Variants in PSME4 observed in about 807,000 individuals in gnomAD.
PSME4 encodes the protein proteasome activator complex subunit 4.
A neutral mutation model predicts 253.9 loss-of-function variants in PSME4; 89 were observed. That is an observed-to-expected ratio of 0.35 (90% CI 0.30 to 0.42). The LOEUF (loss-of-function observed/expected upper bound fraction) is 0.42. Among genes scored for constraint, PSME4 ranks in the 10% least tolerant of loss-of-function variants. The pLI, the probability that PSME4 is intolerant of heterozygous loss-of-function variation, is 1.00. For missense variants in PSME4, 2,014 were observed against 2,195.2 expected, an observed-to-expected ratio of 0.92 and a Z score of 1.65; for synonymous variants, 851 against 759.2, an observed-to-expected ratio of 1.12 and a Z score of -1.99.
intron 43 of PSME4, among the ~76,000 whole-genome samples, chr2:53,872,543 C>T (rs990066590): frequency 5.3e-5 from 8 of 151,644 alleles, no homozygotes; most frequent in African/African-American, 1.9e-4. Context: ...GAGTTTGAGA[C>T]CAGCCTGGGC....
chr2:53,931,245 G>A (rs1222033662), intron 10 of PSME4, among the ~76,000 whole-genome samples: 1 of 152,110 alleles, frequency 6.6e-6, no homozygotes, highest in Non-Finnish European at 1.5e-5. Flanking sequence ...ACTCCAGCCT[G>A]GGGGACTACA....
intron 27 of PSME4, among the ~76,000 whole-genome samples, chr2:53,903,202 C>T (rs987309341): frequency 1.3e-5 from 2 of 152,180 alleles, no homozygotes; most frequent in South Asian, 2.1e-4. Context: ...AGATGTCTAA[C>T]TGCCCACTTG....
chr2:53,926,053 C>T (rs368715136), intron 12 of PSME4, 30 bp from the exon 13 acceptor site: 3 of 1,566,096 alleles, frequency 1.9e-6, no homozygotes, highest in African/African-American at 2.7e-5. Flanking sequence ...AGAAAGATTA[C>T]ATATAGCCTT....
intron 7 of PSME4, 26 bp downstream of exon 7, chr2:53,936,061 A>T (rs771060302): frequency 6.2e-7 from 1 of 1,605,700 alleles, no homozygotes; most frequent in East Asian, 2.3e-5. Context: ...ATGCCTGATA[A>T]TTTTTTTCCC....
At chr2:53,952,311 G>A (rs377415836) in intron 1 of PSME4, among the ~76,000 whole-genome samples, 1 of 152,156 alleles carries the variant, frequency 6.6e-6, no homozygotes, top group African/African-American at 2.4e-5. Flanking sequence ...GGGAGGCCGA[G>A]GCAGACGGAT....
chr2:53,878,920 G>A (rs1679255656), intron 41 of PSME4, among the ~76,000 whole-genome samples: 1 of 152,134 alleles, frequency 6.6e-6, no homozygotes, highest in South Asian at 2.1e-4. Context: ...CGCGATCTCT[G>A]TGACCCACAC....
At chr2:53,925,208 G>A (rs1165351966) in intron 14 of PSME4, among the ~76,000 whole-genome samples, 1 of 152,182 alleles carries the variant, frequency 6.6e-6, no homozygotes, top group African/African-American at 2.4e-5. Context: ...TCGCAAAGGG[G>A]ACAGTTGTTT....
At chr2:53,939,906 A>G in intron 4 of PSME4, 50 bp downstream of exon 4, 2 of 1,469,274 alleles carry the variant, frequency 1.4e-6, no homozygotes, top group Non-Finnish European at 1.9e-6. Context: ...AAAGATGTGG[A>G]AAAGCCCACA....
chr2:53,951,861 T>G (rs767886747), intron 1 of PSME4, among the ~76,000 whole-genome samples: 2 of 152,178 alleles, frequency 1.3e-5, no homozygotes, highest in Non-Finnish European at 2.9e-5. Context: ...GAAAGTTTCT[T>G]AAACACCCTA....
intron 41 of PSME4, among the ~76,000 whole-genome samples, chr2:53,880,431 A>T (rs924821855): frequency 1.3e-5 from 2 of 150,866 alleles, no homozygotes; most frequent in Non-Finnish European, 3.0e-5. Flanking sequence ...ATCATCTCTT[A>T]AAAAAAAATG....
chr2:53,906,753 C>T (rs569509652), intron 25 of PSME4, 53 bp downstream of exon 25: 1 of 1,600,296 alleles, frequency 6.2e-7, no homozygotes, highest in Admixed American at 1.8e-5. Flanking sequence ...ACTAAATACT[C>T]ATCTGGAAAA....
chr2:53,925,457 C>T (rs905654197), intron 14 of PSME4, 82 bp downstream of exon 14: 3 of 1,259,384 alleles, frequency 2.4e-6, no homozygotes, highest in Non-Finnish European at 2.1e-6. Context: ...GCATGATATA[C>T]ACAAAGTAAC....
At chr2:53,906,941 C>A (rs1164815696) in intron 24 of PSME4, 73 bp from the exon 25 acceptor site, 4 of 1,395,066 alleles carry the variant, frequency 2.9e-6, no homozygotes, top group African/African-American at 1.4e-5. Context: ...CCTCTAAATA[C>A]CTTAATAAGT....
chr2:53,909,013 C>G (rs1558673011), intron 21 of PSME4, among the ~76,000 whole-genome samples, 173 bp from the exon 22 acceptor site: 1 of 151,828 alleles, frequency 6.6e-6, no homozygotes. Context: ...TCTAAAACCT[C>G]TACACTTAAA....
At chr2:53,940,312 C>T (rs539655099) in intron 3 of PSME4, among the ~76,000 whole-genome samples, 4 of 152,248 alleles carry the variant, frequency 2.6e-5, no homozygotes, top group Admixed American at 6.5e-5. Context: ...CCATATTTAT[C>T]AACACAGTGG....
At chr2:53,895,995 TA>T (rs1055308287) in intron 32 of PSME4, among the ~76,000 whole-genome samples, 7 of 152,292 alleles carry the variant, frequency 4.6e-5, no homozygotes, top group African/African-American at 1.4e-4. Flanking sequence ...TTACCAAAAT[TA>T]AAAGGATTAA....
At chr2:53,937,660 C>T in intron 4 of PSME4, 120 bp from the exon 5 acceptor site, 4 of 924,636 alleles carry the variant, frequency 4.3e-6, no homozygotes, top group Non-Finnish European at 6.7e-6. Flanking sequence ...GCATGTAACA[C>T]AGTCTACAAA....
chr2:53,894,495 C>T (rs537140424), intron 34 of PSME4, among the ~76,000 whole-genome samples: 1 of 149,214 alleles, frequency 6.7e-6, no homozygotes, highest in Non-Finnish European at 1.5e-5. Flanking sequence ...TGGTCTCAAA[C>T]TCCTGGGCTC....
Position 53,927,570 on chromosome 2 carries a change from A to G in PSME4, c.1504-87T>C, listed in dbSNP as rs550564766. ...CCATGAACTACAATAAATTACCCCAATAAATTATCTTGATCAAAATCCCAC... is the reference window on the plus strand; with the variant it reads ...CCATGAACTACAATAAATTACCCCAGTAAATTATCTTGATCAAAATCCCAC... On this transcript the variant is annotated intron_variant, in intron 11 of 46. Transcript: ENST00000404125. 6 of 943,870 alleles carry G rather than the reference A, an allele frequency of 6.4e-6. No homozygotes were observed. The African/African-American group carries it at 9.8e-5, about 15-fold the overall frequency. The allele number at this position is 943,870 out of a possible 1,614,324, so 58.5% of individuals were successfully genotyped here.
Sources: gnomAD v4.1 joint callset for allele counts (sites outside exome capture counted in the v4.1 genomes callset) on GRCh38, gnomAD v4.1.1 for gene constraint, MANE v1.5 for transcripts, NCBI Gene and HGNC (gene_info 2026-07-23, HGNC 2026-07-21) for gene names.